PAPPA: variants seen among roughly 807,000 people sequenced by gnomAD.
The protein encoded by PAPPA is pappalysin 1.
PAPPA carries 60 observed loss-of-function variants against 164.0 expected under a neutral mutation model. That is an observed-to-expected ratio of 0.37 (90% CI 0.30 to 0.45). The LOEUF (loss-of-function observed/expected upper bound fraction) is 0.45, where lower values mean the gene tolerates loss of function less well. Among genes scored for constraint, PAPPA ranks in the 20% least tolerant of loss-of-function variants. PAPPA has a pLI of 1.00. For synonymous variants in PAPPA, 875 were observed against 814.1 expected, an observed-to-expected ratio of 1.07 and a Z score of -1.27; for missense variants, 1,782 against 2,087.3, an observed-to-expected ratio of 0.85 and a Z score of 2.85.
intron 1 of PAPPA, among the ~76,000 whole-genome samples, chr9:116,156,921 A>G (rs892211061): frequency 6.6e-6 from 1 of 152,178 alleles, no homozygotes; most frequent in African/African-American, 2.4e-5. Context: ...GCGAAGGCTC[A>G]CCCTCTCGCG....
In PAPPA at chr9:116,289,332, T is replaced by A. The variant is rs182441518; in HGVS notation, c.2954-13425T>A. ...ATATATGGCATATATATGGCATATA[T>A]ATAGCATATATATGGCATATATATG... On this transcript the variant is annotated intron_variant, in intron 9 of 21. Coordinates refer to ENST00000328252, the MANE Select transcript of PAPPA (RefSeq NM_002581.5). Among the ~76,000 whole-genome samples, 928 of 145,742 alleles carry A rather than the reference T, an allele frequency of 6.4e-3. 65 individuals carry two copies. Among genetic ancestry groups the A allele is most frequent in the African/African-American group, 0.022 (867 of 39,570 alleles).
At position 116,309,020 on chromosome 9, in the gene PAPPA, AT is replaced by A. The variant is rs1438730465; in HGVS notation, c.3147+6071del. Among the ~76,000 whole-genome samples, 16 of 152,290 alleles carry A rather than the reference AT, an allele frequency of 1.1e-4. No homozygotes were observed. The East Asian group carries it at 3.1e-3, about 29-fold the overall frequency. ...TTTTGTCACAAGCTATGTGCTATACATAGGAAACCTTAAAATGTCAGTGAAA... is the reference window on the plus strand; with the variant it reads ...TTTTGTCACAAGCTATGTGCTATACAAGGAAACCTTAAAATGTCAGTGAAA... On this transcript the variant is annotated intron_variant, in intron 10 of 21. Transcript: ENST00000328252.
Position 116,360,115 on chromosome 9 carries a change from G to A in PAPPA, c.4348-2477G>A, listed in dbSNP as rs544271932. ...CAAACCAAGCTCTCCAGCCAGCCCT[G>A]GCCCAAGTAGTGCTGAGGTCTGCAG... On this transcript the variant is annotated intron_variant, in intron 17 of 21. Coordinates refer to ENST00000328252, the MANE Select transcript of PAPPA (RefSeq NM_002581.5). Among the ~76,000 whole-genome samples, 7 of 152,288 alleles carry A rather than the reference G, an allele frequency of 4.6e-5. No homozygotes were observed. In the East Asian group the frequency reaches 1.4e-3, roughly 30 times the overall value.
At chr9:116,377,703 T>C in intron 20 of PAPPA, 56 bp downstream of exon 20, 1 of 1,254,564 alleles carries the variant, frequency 8.0e-7, no homozygotes. Flanking sequence ...GCTGTTGTTA[T>C]TGTTATTGTT....
In PAPPA at chr9:116,367,830, C is replaced by T. The variant is rs552481149; in HGVS notation, c.4605+76C>T. 109 of 960,688 alleles carry T rather than the reference C, an allele frequency of 1.1e-4. 1 individual carries two copies. The highest frequency in any genetic ancestry group is 1.1e-3 in the African/African-American group (67 of 61,700). 59.5% of individuals were successfully genotyped at this position (960,688 alleles called of 1,614,324 possible). ...ATATTGTTGAGCACTTGCTATGTCC[C>T]GGTTCTGAGTTCATTCTTTCACACA... On this transcript the variant is annotated intron_variant, in intron 19 of 21. Transcript: ENST00000328252.
In PAPPA at chr9:116,271,470, G is replaced by A; in HGVS notation, c.2953+54G>A. ...CATGAAGAAATGAACGGTGCAGAATGGTTGGTCAATGATAATGCCAACAAT... is the reference window on the plus strand; with the variant it reads ...CATGAAGAAATGAACGGTGCAGAATAGTTGGTCAATGATAATGCCAACAAT... On this transcript the variant is annotated intron_variant, in intron 9 of 21. Coordinates refer to ENST00000328252, the MANE Select transcript of PAPPA (RefSeq NM_002581.5). The surrounding 1 kb of genome is among the most constrained non-coding windows in gnomAD (Gnocchi z 4.2). 1 of 1,259,988 alleles carries A rather than the reference G, an allele frequency of 7.9e-7. No homozygotes were observed. Among genetic ancestry groups the A allele is most frequent in the Non-Finnish European group, 1.2e-6 (1 of 858,058 alleles). 78.1% of individuals were successfully genotyped at this position (1,259,988 alleles called of 1,614,324 possible).
Position 116,154,067 on chromosome 9 carries a change from C to T in PAPPA, c.-106C>T. 1 of 1,153,074 alleles carries T rather than the reference C, an allele frequency of 8.7e-7. No individual in the cohort carries two copies. 71.4% of individuals were successfully genotyped at this position (1,153,074 alleles called of 1,614,324 possible). A position where few individuals can be genotyped will look rare whatever the true frequency, so the allele number is the denominator to read the frequency against. On this transcript the variant is annotated 5_prime_UTR_variant, in exon 1 of 22. Transcript: ENST00000328252. This position sits in a 1 kb window ranked among gnomAD's most constrained non-coding sequence, Gnocchi z 5.2. The stretch of plus-strand genomic sequence containing the variant: ...AAGCAAGTGGAAAGGGGGGCTCGCC[C>T]AAGAAGGGTGAAGAAGCGAAGAAAG...
At position 116,321,302 on chromosome 9, in the gene PAPPA, C is replaced by T. The variant is rs182983702; in HGVS notation, c.3148-9942C>T. Among the ~76,000 whole-genome samples the T allele has an allele frequency of 3.3e-5, 5 of 152,332 alleles. No individual in the cohort carries two copies. The East Asian group carries it at 7.7e-4, about 24-fold the overall frequency. On this transcript the variant is annotated intron_variant, in intron 10 of 21. Coordinates refer to ENST00000328252, the MANE Select transcript of PAPPA (RefSeq NM_002581.5). ...TCAGCCTCCCAAAGTGCTGGGATTA[C>T]AGGCGTGAGCCACCGCGCCTGGCCA... is the stretch of plus-strand genomic sequence containing the variant.
At chr9:116,358,875 T>C (rs542893631) in intron 17 of PAPPA, among the ~76,000 whole-genome samples, 1 of 152,332 alleles carries the variant, frequency 6.6e-6, no homozygotes, top group East Asian at 1.9e-4. Flanking sequence ...GTTGGGTTGA[T>C]TCTAAACTTC....
At position 116,278,034 on chromosome 9, in the gene PAPPA, C is replaced by T. The variant is rs73530057; in HGVS notation, c.2953+6618C>T. Among the ~76,000 whole-genome samples, 474 of 152,304 alleles carry T rather than the reference C, an allele frequency of 3.1e-3. 2 individuals carry two copies. Among genetic ancestry groups the T allele is most frequent in the African/African-American group, 0.011 (444 of 41,576 alleles). On this transcript the variant is annotated intron_variant, in intron 9 of 21. Transcript: ENST00000328252. ...CCCTATGAGATAAATAATGTTATCCCCGTTTTGTAGAGGAAAAAACTGTGG... is the reference window on the plus strand; with the variant it reads ...CCCTATGAGATAAATAATGTTATCCTCGTTTTGTAGAGGAAAAAACTGTGG...
At chr9:116,171,442 G>T (rs1223652540) in intron 1 of PAPPA, among the ~76,000 whole-genome samples, 1 of 152,018 alleles carries the variant, frequency 6.6e-6, no homozygotes, top group Non-Finnish European at 1.5e-5. Context: ...ACAAACACAT[G>T]GTCCAAGGCT....
At chr9:116,255,125 A>T (rs1844913124) in intron 7 of PAPPA, among the ~76,000 whole-genome samples, 1 of 151,970 alleles carries the variant, frequency 6.6e-6, no homozygotes, top group African/African-American at 2.4e-5. Flanking sequence ...AGAACCATAA[A>T]GGGAAGCTTG....
At chr9:116,345,171 C>T (rs1053246266) in intron 14 of PAPPA, among the ~76,000 whole-genome samples, 15 of 152,120 alleles carry the variant, frequency 9.9e-5, no homozygotes, top group African/African-American at 3.4e-4. Flanking sequence ...TAAGACAAAT[C>T]GAGTCCTTCT....
chr9:116,400,268 T>C lies in PAPPA; in HGVS notation c.*3652T>C, dbSNP rs1036056840. 2.0e-5 allele frequency: 3 copies of C among 152,174 alleles called. No homozygotes were observed. Among genetic ancestry groups the C allele is most frequent in the Non-Finnish European group, 4.4e-5 (3 of 68,038 alleles). 9.4% of individuals were successfully genotyped at this position (152,174 alleles called of 1,614,324 possible). On this transcript the variant is annotated 3_prime_UTR_variant, in exon 22 of 22. Transcript: ENST00000328252. ...AAAGGAAATTGTTTATTCTACAGCC[T>C]CAGTAGGTAGACACAAACATAAAGA...
chr9:116,344,331 T>C (rs1233239790), intron 13 of PAPPA, among the ~76,000 whole-genome samples: 2 of 152,196 alleles, frequency 1.3e-5, no homozygotes, highest in African/African-American at 4.8e-5. Context: ...AGATTTGAAC[T>C]CTGGTTTGTC....
chr9:116,392,390 T>C (rs1274733700), intron 21 of PAPPA, among the ~76,000 whole-genome samples: 1 of 152,206 alleles, frequency 6.6e-6, no homozygotes. Context: ...GCTTTAAACA[T>C]TCTGAAGCCT....
chr9:116,370,056 G>T (rs1447064452), intron 19 of PAPPA, among the ~76,000 whole-genome samples: 1 of 152,088 alleles, frequency 6.6e-6, no homozygotes, highest in African/African-American at 2.4e-5. Flanking sequence ...CAGGCCAGAG[G>T]AGGCCCTGGA....
intron 10 of PAPPA, among the ~76,000 whole-genome samples, chr9:116,315,537 A>G (rs1454370883): frequency 1.3e-5 from 2 of 152,240 alleles, no homozygotes; most frequent in African/African-American, 4.8e-5. Context: ...GCTGAGCGCC[A>G]GGAAGGAAGC....
intron 10 of PAPPA, among the ~76,000 whole-genome samples, chr9:116,318,959 G>T (rs544793707): frequency 6.6e-6 from 1 of 152,126 alleles, no homozygotes; most frequent in African/African-American, 2.4e-5. Flanking sequence ...ACAGTCTCCC[G>T]AAAGGGGAAA....
Sources: allele counts gnomAD v4.1 joint callset (sites outside exome capture counted in the v4.1 genomes callset), GRCh38; gene constraint gnomAD v4.1.1; non-coding constraint Gnocchi (gnomAD v3.1); transcripts MANE v1.5; gene names NCBI Gene and HGNC (gene_info 2026-07-23, HGNC 2026-07-21).